Variants in NT5DC1 observed in about 807,000 individuals in gnomAD.
NT5DC1 encodes 5'-nucleotidase domain-containing protein 1.
A neutral mutation model predicts 59.4 loss-of-function variants in NT5DC1; 42 were observed. The ratio of observed to expected loss-of-function variants is 0.71; its 90% CI spans 0.55 to 0.92. The LOEUF (loss-of-function observed/expected upper bound fraction) is 0.92. Ranked by LOEUF, NT5DC1 falls within the 40% of genes least tolerant of loss-of-function variation. The probability of loss-of-function intolerance (pLI) is 0.00; values close to 1 mark genes in which losing one functional copy is unlikely to be tolerated. For synonymous variants in NT5DC1, 172 were observed against 188.1 expected (o/e 0.91, Z 0.70); for missense variants, 501 against 537.1 (o/e 0.93, Z 0.66).
intron 6 of NT5DC1, among the ~76,000 whole-genome samples, chr6:116,188,310 T>TC (rs1180377751): frequency 6.6e-6 from 1 of 152,028 alleles, no homozygotes; most frequent in Non-Finnish European, 1.5e-5. Context: ...AAGTGAGCAT[T>TC]CCCTATGACA....
chr6:116,203,909 T>C (rs1781394568), intron 6 of NT5DC1, among the ~76,000 whole-genome samples: 1 of 151,976 alleles, frequency 6.6e-6, no homozygotes, highest in Non-Finnish European at 1.5e-5. Flanking sequence ...ATATCTATAA[T>C]TATTATCATA....
intron 6 of NT5DC1, among the ~76,000 whole-genome samples, chr6:116,151,673 T>C (rs1200132106): frequency 1.3e-5 from 2 of 152,208 alleles, no homozygotes; most frequent in African/African-American, 4.8e-5. Flanking sequence ...GATAATATGT[T>C]AGAAACCATA....
At chr6:116,147,224 T>TTG (rs1411241278) in intron 6 of NT5DC1, among the ~76,000 whole-genome samples, 2 of 151,792 alleles carry the variant, frequency 1.3e-5, no homozygotes, top group African/African-American at 4.8e-5. Flanking sequence ...GCAGATCACC[T>TTG]TGAGGTCAGG....
intron 6 of NT5DC1, among the ~76,000 whole-genome samples, chr6:116,211,848 G>A (rs1781586723): frequency 6.6e-6 from 1 of 151,960 alleles, no homozygotes; most frequent in South Asian, 2.1e-4. Flanking sequence ...CTAGCCTCAG[G>A]AATCTAATTA....
chr6:116,146,443 T>G (rs886861282), intron 6 of NT5DC1, among the ~76,000 whole-genome samples: 6 of 152,226 alleles, frequency 3.9e-5, no homozygotes, highest in East Asian at 1.9e-4. Context: ...ATAACTGGAG[T>G]TGCTTTACTC....
Position 116,165,722 on chromosome 6 carries a change from G to A in NT5DC1, c.529+47777G>A, listed in dbSNP as rs558848793. 1.2e-4 allele frequency among the ~76,000 whole-genome samples: 18 copies of A among 152,246 alleles called. No individual in the cohort carries two copies. The South Asian group carries it at 2.3e-3, about 19-fold the overall frequency. On this transcript the variant is annotated intron_variant, in intron 6 of 11. Transcript: ENST00000319550. ...GTCCCAAGGGGGTTCTTAGTGGGCC[G>A]CACTTCCCCCTCTTCTAGGGGCAGC...
intron 8 of NT5DC1, among the ~76,000 whole-genome samples, chr6:116,235,575 A>T (rs1373496872): frequency 6.6e-6 from 1 of 152,248 alleles, no homozygotes; most frequent in Non-Finnish European, 1.5e-5. Flanking sequence ...GCAGAAATGC[A>T]CTTTATTATT....
At chr6:116,243,864 CATTCAGAGACCTGTGCA>C in intron 11 of NT5DC1, 28 bp from the exon 12 acceptor site, 1 of 703,302 alleles carries the variant, frequency 1.4e-6, no homozygotes, top group Non-Finnish European at 2.5e-6. Flanking sequence ...TTATGAAAGG[CATTCAGAGACCTGTGCA>C]ATAATTAAAT....
rs149987585 is a variant in NT5DC1 at position 116,121,759 on chromosome 6, C to G, written c.529+3814C>G. ...CTCCTTTTGGTCCATATGGTCCTCT[C>G]TCTCCTGGTTTTCCTGGGAGTCCTG... On this transcript the variant is annotated intron_variant, in intron 6 of 11. Coordinates refer to ENST00000319550, the MANE Select transcript of NT5DC1 (RefSeq NM_152729.3). 105 of 1,613,792 alleles carry G rather than the reference C, an allele frequency of 6.5e-5. 1 individual carries two copies. Among genetic ancestry groups the G allele is most frequent in the Middle Eastern group, 3.3e-4 (2 of 6,080 alleles).
At chr6:116,133,983 T>C (rs898663551) in intron 6 of NT5DC1, among the ~76,000 whole-genome samples, 3 of 152,236 alleles carry the variant, frequency 2.0e-5, no homozygotes, top group African/African-American at 4.8e-5. Flanking sequence ...TAATAACTTA[T>C]GAGTCAAAAA....
chr6:116,116,825 T>G (rs1298094793), intron 5 of NT5DC1, among the ~76,000 whole-genome samples: 2 of 152,086 alleles, frequency 1.3e-5, no homozygotes, highest in Non-Finnish European at 2.9e-5. Context: ...ACAAGGAAAG[T>G]GTATCAGTCT....
At chr6:116,178,052 A>AGTGTGTGTGTGTGTGTGTGTGT (rs61085607) in intron 6 of NT5DC1, among the ~76,000 whole-genome samples, 7 of 136,316 alleles carry the variant, frequency 5.1e-5, no homozygotes, top group South Asian at 2.5e-4. Context: ...CAAAGAGGAA[A>AGTGTGTGTGTGTGTGTGTGTGT]GTGTGTGTGT....
At chr6:116,122,067 C>T in intron 6 of NT5DC1, 1 of 969,668 alleles carries the variant, frequency 1.0e-6, no homozygotes, top group Non-Finnish European at 1.6e-6. Context: ...ATTTCAGCAT[C>T]ATTTATTCCA....
In NT5DC1 at chr6:116,121,665, C is replaced by T. The variant is rs773712834; in HGVS notation, c.529+3720C>T. 36 of 1,614,002 alleles carry T rather than the reference C, an allele frequency of 2.2e-5. No homozygotes were observed. Among genetic ancestry groups the T allele is most frequent in the Non-Finnish European group, 2.5e-5 (30 of 1,180,020 alleles). ...CCAGGTTTTCCTGGCACAGAAATTC[C>T]AGCCGGTCCAGGGATTCCAGGTGGT... On this transcript the variant is annotated intron_variant, in intron 6 of 11. Transcript: ENST00000319550.
At chr6:116,158,919 G>A (rs1780267857) in intron 6 of NT5DC1, among the ~76,000 whole-genome samples, 1 of 152,128 alleles carries the variant, frequency 6.6e-6, no homozygotes, top group Non-Finnish European at 1.5e-5. Context: ...GACGCAGATG[G>A]GGATTGGGGA....
chr6:116,152,833 C>A (rs928424201), intron 6 of NT5DC1, among the ~76,000 whole-genome samples: 5 of 152,112 alleles, frequency 3.3e-5, no homozygotes, highest in Non-Finnish European at 7.4e-5. Flanking sequence ...ATTGCTAAAT[C>A]CAGTTATTTA....
At chr6:116,120,801 C>G (rs143685448) in intron 6 of NT5DC1, 1 of 1,612,580 alleles carries the variant, frequency 6.2e-7, no homozygotes, top group Non-Finnish European at 8.5e-7. Context: ...CTTGGGCCAG[C>G]CTCTCCATTG....
intron 6 of NT5DC1, chr6:116,120,148 A>G (rs1779065599): frequency 1.2e-6 from 2 of 1,614,010 alleles, no homozygotes; most frequent in South Asian, 2.2e-5. Flanking sequence ...TTGACTCGGC[A>G]TTGGGAAGCT....
chr6:116,200,151 A>C (rs1781317024), intron 6 of NT5DC1, among the ~76,000 whole-genome samples: 1 of 152,022 alleles, frequency 6.6e-6, no homozygotes, highest in Non-Finnish European at 1.5e-5. Context: ...CCACCCAATA[A>C]CACATAACCC....
Sources: gnomAD v4.1 joint callset for allele counts (sites outside exome capture counted in the v4.1 genomes callset) on GRCh38, gnomAD v4.1.1 for gene constraint, MANE v1.5 for transcripts, NCBI Gene and HGNC (gene_info 2026-07-23, HGNC 2026-07-21) for gene names.